ATXN7: variants seen among roughly 807,000 people sequenced by gnomAD.
ATXN7 encodes ataxin 7.
Under a neutral mutation model 70.5 loss-of-function variants are expected in ATXN7, and 12 were observed. That is an observed-to-expected ratio of 0.17 (90% CI 0.11 to 0.28). ATXN7 has a LOEUF of 0.28. Ranked by LOEUF, ATXN7 falls within the 10% of genes least tolerant of loss-of-function variation. The probability of loss-of-function intolerance (pLI) is 1.00; values close to 1 mark genes in which losing one functional copy is unlikely to be tolerated. For synonymous variants in ATXN7, 498 were observed against 448.7 expected (o/e 1.11, Z -1.39); for missense variants, 1,256 against 1,131.7 (o/e 1.11, Z -1.58).
chr3:63,970,444 TC>T (rs1188000782), intron 5 of ATXN7, among the ~76,000 whole-genome samples: 1 of 152,184 alleles, frequency 6.6e-6, no homozygotes, highest in Non-Finnish European at 1.5e-5. Context: ...GCTGAGGTGA[TC>T]AACTGTTGTG....
intron 8 of ATXN7, among the ~76,000 whole-genome samples, chr3:63,984,993 G>C (rs1030745446): frequency 2.0e-5 from 3 of 152,132 alleles, no homozygotes; most frequent in African/African-American, 7.2e-5. Context: ...TAGTATTCCA[G>C]TGTATGTATA....
At chr3:63,968,174 T>A (rs1289447382) in intron 5 of ATXN7, among the ~76,000 whole-genome samples, 2 of 151,978 alleles carry the variant, frequency 1.3e-5, no homozygotes, top group African/African-American at 4.8e-5. Flanking sequence ...GCTCAAGTAG[T>A]GGAGGGAGGG....
intron 12 of ATXN7, chr3:63,999,220 T>C: frequency 8.0e-6 from 4 of 497,946 alleles, no homozygotes; most frequent in Non-Finnish European, 1.4e-5. Context: ...CTGCAACTCT[T>C]CTAGCCAGTT....
intron 5 of ATXN7, among the ~76,000 whole-genome samples, chr3:63,957,907 G>T (rs904036722): frequency 6.6e-6 from 1 of 152,184 alleles, no homozygotes; most frequent in Non-Finnish European, 1.5e-5. Context: ...CTTGAAAACA[G>T]AATTTTAGAA....
chr3:63,947,995 A>G (rs1661032834), intron 4 of ATXN7, among the ~76,000 whole-genome samples: 1 of 152,186 alleles, frequency 6.6e-6, no homozygotes, highest in Admixed American at 6.5e-5. Flanking sequence ...CTGGAGTTCT[A>G]TTCCAAGAGG....
chr3:63,997,004 C>G (rs1308659026), intron 12 of ATXN7, among the ~76,000 whole-genome samples: 1 of 152,192 alleles, frequency 6.6e-6, no homozygotes, highest in Admixed American at 6.5e-5. Context: ...CGCCTATAAT[C>G]CCAGCACTTT....
At chr3:63,930,743 G>A (rs900159770) in intron 4 of ATXN7, among the ~76,000 whole-genome samples, 2 of 152,180 alleles carry the variant, frequency 1.3e-5, no homozygotes, top group South Asian at 2.1e-4. Flanking sequence ...TGTTAGCCAG[G>A]ATGGTCTCAA....
intron 4 of ATXN7, among the ~76,000 whole-genome samples, chr3:63,922,297 C>T (rs916939727): frequency 6.6e-6 from 1 of 152,194 alleles, no homozygotes; most frequent in Non-Finnish European, 1.5e-5. Flanking sequence ...CCACCTCAGC[C>T]TCCCGGAGTG....
At chr3:63,939,210 T>C (rs568581354) in intron 4 of ATXN7, among the ~76,000 whole-genome samples, 17 of 152,292 alleles carry the variant, frequency 1.1e-4, no homozygotes, top group Middle Eastern at 3.4e-3. Flanking sequence ...TGATACCTCT[T>C]ATCCATCCAT....
At position 63,968,399 on chromosome 3, in the gene ATXN7, C is replaced by A. The variant is rs188604293; in HGVS notation, c.500-11516C>A. 1.4e-3 allele frequency: 214 copies of A among 158,228 alleles called. 3 individuals are homozygous for A. Among genetic ancestry groups the A allele is most frequent in the Non-Finnish European group, 1.8e-3 (127 of 71,894 alleles). The allele number at this position is 158,228 out of a possible 1,614,324, so 9.8% of individuals were successfully genotyped here. A position where few individuals can be genotyped will look rare whatever the true frequency, so the allele number is the denominator to read the frequency against. Reference sequence around the variant, plus strand: ...AAAACAGAGAGAGTATTGGTTACATCTCTCTCTAAAAATGGAGGAACGTTG... The same window carrying A: ...AAAACAGAGAGAGTATTGGTTACATATCTCTCTAAAAATGGAGGAACGTTG... On this transcript the variant is annotated intron_variant, in intron 5 of 12. Coordinates refer to ENST00000674280, the MANE Select transcript of ATXN7 (RefSeq NM_001377405.1).
chr3:63,973,408 C>G (rs111585149), intron 5 of ATXN7, among the ~76,000 whole-genome samples: 78 of 152,014 alleles, frequency 5.1e-4, no homozygotes, highest in African/African-American at 1.8e-3. Flanking sequence ...TGCTGATGGT[C>G]TTTTGTAGAG....
At chr3:63,881,881 A>G (rs1042331145) in intron 1 of ATXN7, among the ~76,000 whole-genome samples, 3 of 152,212 alleles carry the variant, frequency 2.0e-5, no homozygotes, top group East Asian at 1.9e-4. Flanking sequence ...AGGCTAGGCC[A>G]GGGAGTTACT....
chr3:63,974,599 T>A (rs115317183), intron 5 of ATXN7, among the ~76,000 whole-genome samples: 10 of 152,370 alleles, frequency 6.6e-5, no homozygotes, highest in African/African-American at 2.4e-4. Flanking sequence ...CTTCCTCATC[T>A]GGAAAGTGAG....
At chr3:63,918,025 T>C (rs779577663) in intron 4 of ATXN7, among the ~76,000 whole-genome samples, 5 of 152,188 alleles carry the variant, frequency 3.3e-5, no homozygotes, top group Non-Finnish European at 4.4e-5. Flanking sequence ...TCTCTTATCT[T>C]TGATATTTAG....
At chr3:63,865,145 CT>C (rs1702369561) in intron 1 of ATXN7, 1 of 152,324 alleles carries the variant, frequency 6.6e-6, no homozygotes, top group South Asian at 2.1e-4. Flanking sequence ...TACATTCTCC[CT>C]GTTTTCCCCC....
At chr3:63,947,031 G>A (rs1410929340) in intron 4 of ATXN7, among the ~76,000 whole-genome samples, 1 of 152,162 alleles carries the variant, frequency 6.6e-6, no homozygotes, top group East Asian at 1.9e-4. Context: ...GAAATTGCCA[G>A]GGGTGTTATG....
At chr3:63,958,119 G>A (rs2075068041) in intron 5 of ATXN7, among the ~76,000 whole-genome samples, 3 of 152,128 alleles carry the variant, frequency 2.0e-5, no homozygotes, top group South Asian at 2.1e-4. Flanking sequence ...CTTTATGAAC[G>A]TAGTTTTAGT....
intron 1 of ATXN7, among the ~76,000 whole-genome samples, chr3:63,894,172 A>G (rs568964136): frequency 5.3e-5 from 8 of 152,336 alleles, no homozygotes; most frequent in Admixed American, 4.6e-4. Context: ...TTTGGAAATT[A>G]CATGCCAAAT....
chr3:63,888,042 G>A (rs1225189029), intron 1 of ATXN7, among the ~76,000 whole-genome samples: 1 of 152,114 alleles, frequency 6.6e-6, no homozygotes, highest in Non-Finnish European at 1.5e-5. Context: ...GTTATGAACA[G>A]TAAGCATCCT....
Sources: allele counts gnomAD v4.1 joint callset (sites outside exome capture counted in the v4.1 genomes callset), GRCh38; gene constraint gnomAD v4.1.1; transcripts MANE v1.5; gene names NCBI Gene and HGNC (gene_info 2026-07-23, HGNC 2026-07-21).